The following CAMTA1 variants were observed in gnomAD, a reference collection of about 807,000 sequenced individuals.
The protein encoded by CAMTA1 is calmodulin-binding transcription activator 1.
In CAMTA1, 27 loss-of-function variants were observed where a neutral mutation model predicts 170.9. The ratio of observed to expected loss-of-function variants is 0.16; its 90% confidence interval spans 0.12 to 0.22. CAMTA1 has a LOEUF of 0.22. Ranked by LOEUF, CAMTA1 falls within the 10% of genes least tolerant of loss-of-function variation. The pLI, the probability that CAMTA1 is intolerant of heterozygous loss-of-function variation, is 1.00. For missense variants in CAMTA1, 1,619 were observed against 2,217.2 expected (o/e 0.73, Z 5.42); for synonymous variants, 833 against 891.5 (o/e 0.93, Z 1.17).
intron 1 of CAMTA1, among the ~76,000 whole-genome samples, chr1:6,797,643 T>A (rs1642860377): frequency 6.6e-6 from 1 of 152,102 alleles, no homozygotes; most frequent in Admixed American, 6.5e-5. Flanking sequence ...TGCCTCTGCC[T>A]CCCAAAGTGC....
Position 7,633,788 on chromosome 1 carries a change from C to T in CAMTA1, c.511-6612C>T, listed in dbSNP as rs193083887. 2.3e-4 allele frequency among the ~76,000 whole-genome samples: 35 copies of T among 152,332 alleles called. No homozygotes were observed. Among genetic ancestry groups the T allele is most frequent in the Middle Eastern group, 3.4e-3 (1 of 294 alleles). ...TTGTGGCCAGGAAAACAGGCCAAAC[C>T]CGAGTAGTAATTGAGCGGAAACTGA... On this transcript the variant is annotated intron_variant, in intron 6 of 22. Coordinates refer to ENST00000303635, the MANE Select transcript of CAMTA1 (RefSeq NM_015215.4). This position sits in a 1 kb window ranked among gnomAD's most constrained non-coding sequence, Gnocchi z 4.1.
chr1:7,047,246 A>G (rs2101535539), intron 3 of CAMTA1, among the ~76,000 whole-genome samples: 1 of 152,320 alleles, frequency 6.6e-6, no homozygotes, highest in South Asian at 2.1e-4. Flanking sequence ...GTCAATTGTT[A>G]TTGTTACTGC....
At chr1:7,595,113 G>C (rs992296248) in intron 6 of CAMTA1, among the ~76,000 whole-genome samples, 2 of 152,230 alleles carry the variant, frequency 1.3e-5, no homozygotes, top group Admixed American at 1.3e-4. Flanking sequence ...ACTAAGAAGA[G>C]GGGTCTTTCA....
intron 5 of CAMTA1, among the ~76,000 whole-genome samples, chr1:7,370,914 C>CTTTTTCT (rs1553149258): frequency 1.8e-5 from 2 of 110,010 alleles, no homozygotes; most frequent in African/African-American, 3.5e-5. Flanking sequence ...TTCTTTCTTT[C>CTTTTTCT]TTTTTTTTTT....
Position 7,333,135 on chromosome 1 carries a change from C to G in CAMTA1, c.438+83509C>G, listed in dbSNP as rs2083136509. 6.6e-6 allele frequency among the ~76,000 whole-genome samples: 1 copy of G among 152,182 alleles called. No individual in the cohort carries two copies. The highest frequency in any genetic ancestry group is 2.4e-5 in the African/African-American group (1 of 41,440). On this transcript the variant is annotated intron_variant, in intron 5 of 22. Transcript: ENST00000303635. This position sits in a 1 kb window ranked among gnomAD's most constrained non-coding sequence, Gnocchi z 4.4. ...CTCTTTAGTCCTAGTGGCAGGTCAC[C>G]CAGTGACTGGCATTCAGGAGCTAAA...
At chr1:7,091,214 C>T (rs1478607982) in intron 3 of CAMTA1, 90 bp from the exon 4 acceptor site, 8 of 837,788 alleles carry the variant, frequency 9.5e-6, no homozygotes, top group Non-Finnish European at 1.4e-5. Flanking sequence ...CAAATGAAAA[C>T]AGCAGCTGGG....
intron 3 of CAMTA1, among the ~76,000 whole-genome samples, chr1:6,979,617 T>C (rs1328411062): frequency 2.0e-5 from 3 of 152,196 alleles, no homozygotes; most frequent in Non-Finnish European, 4.4e-5. Flanking sequence ...ATAGTGTTGG[T>C]TGAATTATTT....
At chr1:7,400,804 G>A (rs1426700383) in intron 5 of CAMTA1, among the ~76,000 whole-genome samples, 1 of 152,166 alleles carries the variant, frequency 6.6e-6, no homozygotes, top group Non-Finnish European at 1.5e-5. Context: ...AGTTTGTGTG[G>A]CTGATCCACC....
chr1:7,695,185 C>G (rs572089465), intron 11 of CAMTA1, among the ~76,000 whole-genome samples: 4 of 152,114 alleles, frequency 2.6e-5, no homozygotes, highest in African/African-American at 9.7e-5. Context: ...ACAGCCCCCA[C>G]GAGGTGGGAC....
intron 5 of CAMTA1, among the ~76,000 whole-genome samples, chr1:7,313,563 C>T (rs1354375169): frequency 1.3e-5 from 2 of 152,158 alleles, no homozygotes; most frequent in Non-Finnish European, 2.9e-5. Flanking sequence ...GAGATAATTT[C>T]TGGACATCAA....
chr1:6,915,026 TG>T (rs1475708387), intron 3 of CAMTA1, among the ~76,000 whole-genome samples: 4 of 152,238 alleles, frequency 2.6e-5, no homozygotes, highest in African/African-American at 9.6e-5. Flanking sequence ...GCTCTGGCTC[TG>T]TGGGCTTGTC....
At chr1:7,231,668 C>T (rs1414374573) in intron 4 of CAMTA1, among the ~76,000 whole-genome samples, 1 of 152,096 alleles carries the variant, frequency 6.6e-6, no homozygotes, top group Non-Finnish European at 1.5e-5. Flanking sequence ...ACACTGCACC[C>T]GGCCGAGATT....
At chr1:6,828,684 A>G (rs1489779620) in intron 3 of CAMTA1, among the ~76,000 whole-genome samples, 1 of 152,062 alleles carries the variant, frequency 6.6e-6, no homozygotes, top group African/African-American at 2.4e-5. Flanking sequence ...CAAGGTGGGT[A>G]ACATTTCCTT....
intron 5 of CAMTA1, among the ~76,000 whole-genome samples, chr1:7,406,616 A>C (rs1048253362): frequency 1.3e-5 from 2 of 152,072 alleles, no homozygotes; most frequent in African/African-American, 4.8e-5. Flanking sequence ...GTACACACAC[A>C]CACATGCATG....
chr1:7,383,224 A>G (rs1021346347), intron 5 of CAMTA1, among the ~76,000 whole-genome samples: 5 of 152,234 alleles, frequency 3.3e-5, no homozygotes, highest in African/African-American at 7.2e-5. Context: ...GAAAAGGAAG[A>G]AGGAGGGCCA....
chr1:7,062,085 T>G (rs952396615), intron 3 of CAMTA1, among the ~76,000 whole-genome samples: 5 of 151,980 alleles, frequency 3.3e-5, no homozygotes, highest in African/African-American at 1.2e-4. Context: ...GCACGGCTAA[T>G]TTTTGTATTT....
At chr1:7,148,054 T>C (rs1290530127) in intron 4 of CAMTA1, among the ~76,000 whole-genome samples, 1 of 139,540 alleles carries the variant, frequency 7.2e-6, no homozygotes, top group East Asian at 2.2e-4. Context: ...ACCATGCACG[T>C]ATGCACACAA....
intron 3 of CAMTA1, among the ~76,000 whole-genome samples, chr1:6,943,938 A>C (rs1035543312): frequency 1.3e-5 from 2 of 151,918 alleles, no homozygotes; most frequent in South Asian, 2.1e-4. Flanking sequence ...AAGTACATTC[A>C]CATTGTGGTA....
At chr1:7,436,500 G>A (rs759587178) in intron 5 of CAMTA1, among the ~76,000 whole-genome samples, 3 of 152,156 alleles carry the variant, frequency 2.0e-5, no homozygotes, top group Non-Finnish European at 4.4e-5. Flanking sequence ...TGTGGGCCCG[G>A]CAGAGCCTCT....
Sources: allele counts gnomAD v4.1 joint callset (sites outside exome capture counted in the v4.1 genomes callset), GRCh38; gene constraint gnomAD v4.1.1; non-coding constraint Gnocchi (gnomAD v3.1); transcripts MANE v1.5; gene names NCBI Gene and HGNC (gene_info 2026-07-23, HGNC 2026-07-21).